Variants in FBRSL1 observed in about 807,000 individuals in gnomAD.
The protein encoded by FBRSL1 is fibrosin-1-like protein.
FBRSL1 carries 51 observed loss-of-function variants against 89.6 expected under a neutral mutation model. That is an observed-to-expected ratio of 0.57 (90% CI 0.45 to 0.72). The LOEUF is 0.72. Ranked by LOEUF, FBRSL1 falls within the 30% of genes least tolerant of loss-of-function variation. The pLI, the probability that FBRSL1 is intolerant of heterozygous loss-of-function variation, is 0.00. For missense variants in FBRSL1, 1,618 were observed against 1,451.8 expected, an observed-to-expected ratio of 1.11 and a Z score of -1.86; for synonymous variants, 779 against 681.1, an observed-to-expected ratio of 1.14 and a Z score of -2.24.
intron 2 of FBRSL1, among the ~76,000 whole-genome samples, chr12:132,517,331 G>C (rs1043035218): frequency 2.6e-5 from 4 of 152,260 alleles, no homozygotes; most frequent in African/African-American, 9.6e-5. Context: ...CTGAGCACCT[G>C]GGCCTAGCAG....
At chr12:132,577,570 T>C (rs2040457899) in intron 15 of FBRSL1, among the ~76,000 whole-genome samples, 1 of 151,890 alleles carries the variant, frequency 6.6e-6, no homozygotes, top group African/African-American at 2.4e-5. Context: ...CGGCCCAGGG[T>C]GGGATCTGCC....
chr12:132,541,917 T>C (rs539899003), intron 4 of FBRSL1, among the ~76,000 whole-genome samples: 126 of 152,176 alleles, frequency 8.3e-4, no homozygotes, highest in African/African-American at 3.0e-3. Context: ...CCCCGAACCA[T>C]CCGGGTTGCT....
chr12:132,511,894 A>G, intron 2 of FBRSL1: 6 of 978,152 alleles, frequency 6.1e-6, no homozygotes, highest in Non-Finnish European at 7.3e-6. Context: ...CCAGAAGCGC[A>G]GGGCTTATTT....
At chr12:132,512,634 C>T (rs768496036) in intron 2 of FBRSL1, among the ~76,000 whole-genome samples, 12 of 152,258 alleles carry the variant, frequency 7.9e-5, no homozygotes, top group Non-Finnish European at 1.6e-4. Flanking sequence ...CCCCTACCCC[C>T]GGGCTCCTGT....
intron 1 of FBRSL1, among the ~76,000 whole-genome samples, chr12:132,491,526 G>A (rs762863965): frequency 3.9e-5 from 6 of 152,238 alleles, no homozygotes; most frequent in Non-Finnish European, 8.8e-5. Flanking sequence ...AGGAATGCTA[G>A]CAAGTTGCCC....
chr12:132,536,364 G>A (rs2036743684), intron 4 of FBRSL1, among the ~76,000 whole-genome samples: 1 of 151,444 alleles, frequency 6.6e-6, no homozygotes, highest in South Asian at 2.1e-4. Flanking sequence ...ATATGATTGT[G>A]TACATGATGG....
At chr12:132,559,517 C>T (rs1231409595) in intron 5 of FBRSL1, among the ~76,000 whole-genome samples, 8 of 152,158 alleles carry the variant, frequency 5.3e-5, no homozygotes, top group Admixed American at 3.9e-4. Flanking sequence ...TCAGCCTCCC[C>T]AGTAGCTGGG....
At chr12:132,574,415 G>A in intron 13 of FBRSL1, 67 bp downstream of exon 13, 3 of 1,548,232 alleles carry the variant, frequency 1.9e-6, no homozygotes, top group South Asian at 1.2e-5. Context: ...GCCTCGGGGG[G>A]CCCGTGACAG....
chr12:132,510,387 A>T, intron 2 of FBRSL1: 1 of 1,231,016 alleles, frequency 8.1e-7, no homozygotes, highest in Admixed American at 4.2e-5. Flanking sequence ...GTCCCGGTGG[A>T]CCCGATCCTG....
chr12:132,541,883 C>T (rs755779543), intron 4 of FBRSL1, among the ~76,000 whole-genome samples: 1 of 151,552 alleles, frequency 6.6e-6, no homozygotes, highest in Non-Finnish European at 1.5e-5. Context: ...TGCCCCATCC[C>T]TTCCAGAGCT....
At chr12:132,531,643 CGTGTTGTGCACTTGGCGTTGT>C (rs1249117256) in intron 4 of FBRSL1, among the ~76,000 whole-genome samples, 1 of 151,438 alleles carries the variant, frequency 6.6e-6, no homozygotes, top group African/African-American at 2.4e-5. Flanking sequence ...CATGGCGTTG[CGTGTTGTGCACTTGGCGTTGT>C]GTGTTGTGCA....
chr12:132,498,760 G>C (rs1043882879), intron 1 of FBRSL1, among the ~76,000 whole-genome samples: 1 of 152,364 alleles, frequency 6.6e-6, no homozygotes, highest in East Asian at 1.9e-4. Context: ...ACCTATTCTA[G>C]GGGAGGGAGG....
chr12:132,536,252 C>T (rs1439067408), intron 4 of FBRSL1, among the ~76,000 whole-genome samples: 2 of 147,280 alleles, frequency 1.4e-5, no homozygotes, highest in African/African-American at 5.1e-5. Context: ...ATGTACATGA[C>T]CTCGTGCCAT....
chr12:132,535,560 C>G (rs2036639627), intron 4 of FBRSL1, among the ~76,000 whole-genome samples: 1 of 152,188 alleles, frequency 6.6e-6, no homozygotes, highest in South Asian at 2.1e-4. Flanking sequence ...CCCAGCTCTC[C>G]CAGAGAGATG....
intron 5 of FBRSL1, among the ~76,000 whole-genome samples, chr12:132,556,614 C>T (rs1452578072): frequency 7.5e-6 from 1 of 134,044 alleles, no homozygotes; most frequent in African/African-American, 2.8e-5. Context: ...CCGCCACCCA[C>T]CCCCCTCCTG....
intron 3 of FBRSL1, among the ~76,000 whole-genome samples, chr12:132,527,119 C>A (rs1208134927): frequency 6.6e-6 from 1 of 152,156 alleles, no homozygotes; most frequent in Non-Finnish European, 1.5e-5. Flanking sequence ...CCTGTCAGGC[C>A]CCTGTGGTGA....
intron 4 of FBRSL1, among the ~76,000 whole-genome samples, chr12:132,532,490 C>G (rs928722780): frequency 3.3e-5 from 5 of 151,978 alleles, no homozygotes; most frequent in Non-Finnish European, 5.9e-5. Context: ...TTGGCCACAG[C>G]CCCCCCAGGC....
intron 4 of FBRSL1, among the ~76,000 whole-genome samples, chr12:132,534,273 G>A (rs369669301): frequency 1.8e-4 from 27 of 152,350 alleles, no homozygotes; most frequent in South Asian, 6.2e-4. Context: ...CGCCACGTGC[G>A]TTGTCGGGCC....
intron 2 of FBRSL1, among the ~76,000 whole-genome samples, chr12:132,520,123 CCCCTCCTTGCACCCCTCCAGCACA>C (rs1186945983): frequency 6.8e-6 from 1 of 146,474 alleles, no homozygotes. Context: ...CCTCCAGCAC[CCCCTCCTTGCACCCCTCCAGCACA>C]CCCTCCTTGC....
Sources: allele counts gnomAD v4.1 joint callset (sites outside exome capture counted in the v4.1 genomes callset), GRCh38; gene constraint gnomAD v4.1.1; transcripts MANE v1.5; gene names NCBI Gene and HGNC (gene_info 2026-07-23, HGNC 2026-07-21).